The following ZBTB10 variants were observed in gnomAD, a reference collection of about 807,000 sequenced individuals.
ZBTB10 encodes zinc finger and BTB domain-containing protein 10.
ZBTB10 carries 32 observed loss-of-function variants against 76.4 expected under a neutral mutation model. The observed-to-expected ratio is 0.42, with a 90% CI of 0.32 to 0.56. The LOEUF is 0.56. ZBTB10 is among the 20% of genes least tolerant of loss of function. The pLI is 0.14. For synonymous variants in ZBTB10, 523 were observed against 432.9 expected, an observed-to-expected ratio of 1.21 and a Z score of -2.58; for missense variants, 1,057 against 1,098.5, an observed-to-expected ratio of 0.96 and a Z score of 0.53.
At chr8:80,504,965 T>G (rs1352861347) in intron 2 of ZBTB10, among the ~76,000 whole-genome samples, 1 of 152,208 alleles carries the variant, frequency 6.6e-6, no homozygotes, top group Non-Finnish European at 1.5e-5. Context: ...TTAAAATCAC[T>G]TTATTTTGCG....
In ZBTB10 at chr8:80,486,972, G is replaced by T. The variant is rs749535596; in HGVS notation, c.162G>T (p.Ala54=). 2.1e-4 allele frequency: 312 copies of T among 1,512,678 alleles called. No homozygotes were observed. Among genetic ancestry groups the T allele is most frequent in the Non-Finnish European group, 2.7e-4 (302 of 1,135,486 alleles). 93.7% of individuals were successfully genotyped at this position (1,512,678 alleles called of 1,614,324 possible). A position where few individuals can be genotyped will look rare whatever the true frequency, so the allele number is the denominator to read the frequency against. The change falls in exon 1 of 6, where the codon GCG becomes GCT. Residue 54 remains alanine, a synonymous_variant. Coordinates refer to ENST00000455036, the MANE Select transcript of ZBTB10 (RefSeq NM_001105539.3). ...PRQPPPPAPP[A]LQPPNGRGAD... Reference sequence around the variant, plus strand: ...AGCCCCCGCCGCCAGCGCCGCCCGCGCTTCAGCCGCCTAATGGGCGGGGGG... The same window carrying T: ...AGCCCCCGCCGCCAGCGCCGCCCGCTCTTCAGCCGCCTAATGGGCGGGGGG...
rs139644833 is a variant in ZBTB10 at position 80,503,778 on chromosome 8, C to G, written c.1861+3396C>G. Among the ~76,000 whole-genome samples the G allele has an allele frequency of 5.5e-3, 841 of 152,330 alleles. 11 individuals carry two copies. Among genetic ancestry groups the G allele is most frequent in the African/African-American group, 0.019 (803 of 41,578 alleles). On this transcript the variant is annotated intron_variant, in intron 2 of 5. Transcript: ENST00000455036. ...ACCACAAGTGATCTGCCCACTTTGG[C>G]CTCCCAAAGTGCTGGGAATACAGGC...
At chr8:80,500,528 C>T in intron 2 of ZBTB10, 146 bp downstream of exon 2, 2 of 819,126 alleles carry the variant, frequency 2.4e-6, no homozygotes, top group Non-Finnish European at 1.8e-6. Context: ...CATTCAAATG[C>T]ATAACATATT....
chr8:80,500,376 G>A lies in ZBTB10; in HGVS notation c.1855G>A (p.Glu619Lys), dbSNP rs937077538. The change falls in exon 2 of 6, where the codon GAA (glutamate) becomes AAA (lysine). Residue 619 changes from glutamate (E) to lysine (K), a missense_variant. This residue lies in a region of ZBTB10 where 306 missense variants were observed against 297.5 expected (regional missense o/e 1.03). Transcript: ENST00000455036. ...AGAAAATACACTACTCATCAAGGAA[G>A]AACCAGGTAAATATTATCTATACAA... is the stretch of plus-strand genomic sequence containing the variant. ...PEENTLLIKE[E>K]PDLDGALLSG... 1.9e-6 allele frequency: 3 copies of A among 1,553,284 alleles called. No individual in the cohort carries two copies. The African/African-American group carries it at 4.1e-5, about 21-fold the overall frequency.
At chr8:80,496,822 T>TA (rs1227033190) in intron 1 of ZBTB10, among the ~76,000 whole-genome samples, 2 of 152,238 alleles carry the variant, frequency 1.3e-5, no homozygotes. Context: ...AGTTCATAGA[T>TA]ATATGCTGCC....
At chr8:80,514,127 A>G (rs933659499) in intron 3 of ZBTB10, 119 bp downstream of exon 3, 149 of 817,538 alleles carry the variant, frequency 1.8e-4, no homozygotes, top group African/African-American at 4.6e-4. Context: ...ACTACTTTCA[A>G]TCTATGGTAG....
chr8:80,510,646 GTGTGTGTGTGT>G (rs1816166482), intron 2 of ZBTB10, among the ~76,000 whole-genome samples: 4 of 145,256 alleles, frequency 2.8e-5, no homozygotes, highest in Non-Finnish European at 4.6e-5. Flanking sequence ...ACCAGTGTGT[GTGTGTGTGTGT>G]GTGTGTGTGT....
chr8:80,520,472 C>G lies in ZBTB10; in HGVS notation c.*944C>G, dbSNP rs1563469005. 1 of 152,380 alleles carries G rather than the reference C, an allele frequency of 6.6e-6. No individual in the cohort carries two copies. The highest frequency in any genetic ancestry group is 2.4e-5 in the African/African-American group (1 of 41,396). The allele number at this position is 152,380 out of a possible 1,614,324, so 9.4% of individuals were successfully genotyped here. A position where few individuals can be genotyped will look rare whatever the true frequency, so the allele number is the denominator to read the frequency against. ...TGAAAGACCTAATTGAAAGAAAAATCATAGAAATAAGTAAAATGATTTGTT... is the reference window on the plus strand; with the variant it reads ...TGAAAGACCTAATTGAAAGAAAAATGATAGAAATAAGTAAAATGATTTGTT... On this transcript the variant is annotated 3_prime_UTR_variant, in exon 6 of 6. Transcript: ENST00000455036.
At position 80,499,566 on chromosome 8, in the gene ZBTB10, C is replaced by G; in HGVS notation, c.1045C>G (p.Gln349Glu). Reference protein sequence around the residue: ...SRPNENSYCYQLLRQLNEQRK... With the variant: ...SRPNENSYCYELLRQLNEQRK... ...GCCAAATGAGAACTCTTATTGCTAT[C>G]AACTTCTGCGACAACTAAATGAACA... is the stretch of plus-strand genomic sequence containing the variant. The change falls in exon 2 of 6, where the codon CAA (glutamine) becomes GAA (glutamate). Residue 349 changes from glutamine (Q) to glutamate (E), a missense_variant. Physicochemically the swap from Gln to Glu is conservative, Grantham distance 29 (BLOSUM62 2). Transcript: ENST00000455036. 1 of 1,613,882 alleles carries G rather than the reference C, an allele frequency of 6.2e-7. No individual in the cohort carries two copies. The highest frequency in any genetic ancestry group is 8.5e-7 in the Non-Finnish European group (1 of 1,179,838).
chr8:80,498,076 C>T (rs1026487275), intron 1 of ZBTB10, among the ~76,000 whole-genome samples: 2 of 152,178 alleles, frequency 1.3e-5, no homozygotes, highest in Non-Finnish European at 1.5e-5. Context: ...GCGTCTGTGG[C>T]CTCCTGTGAC....
chr8:80,504,807 A>G (rs1233176335), intron 2 of ZBTB10, among the ~76,000 whole-genome samples: 1 of 152,216 alleles, frequency 6.6e-6, no homozygotes, highest in African/African-American at 2.4e-5. Context: ...AGGAAACATT[A>G]AATTTTAGCC....
intron 5 of ZBTB10, 119 bp from the exon 6 acceptor site, chr8:80,519,103 CT>C (rs1816397604): frequency 7.1e-7 from 1 of 1,400,050 alleles, no homozygotes; most frequent in African/African-American, 1.5e-5. Context: ...TGATAGTGAG[CT>C]TTTTACAGAG....
At chr8:80,509,718 C>T (rs1268666667) in intron 2 of ZBTB10, among the ~76,000 whole-genome samples, 1 of 152,120 alleles carries the variant, frequency 6.6e-6, no homozygotes, top group East Asian at 1.9e-4. Context: ...AGATTTAGAC[C>T]AGTCTTTTAA....
Position 80,499,857 on chromosome 8 carries a change from C to A in ZBTB10, c.1336C>A (p.Leu446Ile). The change falls in exon 2 of 6, where the codon CTT becomes ATT. Residue 446 changes from leucine (L) to isoleucine (I), a missense_variant. Coordinates refer to ENST00000455036, the MANE Select transcript of ZBTB10 (RefSeq NM_001105539.3). Reference sequence around the variant, plus strand: ...TGAAGTTATGACCGTGGCCAGCTATCTTCAAATGAGTGAAGTTGTTCAAAC... The same window carrying A: ...TGAAGTTATGACCGTGGCCAGCTATATTCAAATGAGTGAAGTTGTTCAAAC... The part of the protein sequence containing the change: ...AIEVMTVASY[L>I]QMSEVVQTCR... 6.2e-7 allele frequency: 1 copy of A among 1,613,946 alleles called. No individual in the cohort carries two copies. Among genetic ancestry groups the A allele is most frequent in the Non-Finnish European group, 8.5e-7 (1 of 1,179,854 alleles).
chr8:80,495,137 T>C (rs868227036), intron 1 of ZBTB10, among the ~76,000 whole-genome samples: 136 of 142,808 alleles, frequency 9.5e-4, no homozygotes, highest in Middle Eastern at 3.7e-3. Context: ...CTCTCTCTCT[T>C]TTTTTTTTTT....
Position 80,500,280 on chromosome 8 carries a change from A to G in ZBTB10, c.1759A>G (p.Asn587Asp). ...CCAAACTACAAAAAGATTTATTTAT[A>G]ATATTCCACCTAATAATGAAACGAA... The part of the protein sequence containing the change: ...KNQTTKRFIY[N>D]IPPNNETNLE... Residue 587 changes from asparagine (N) to aspartate (D), a missense_variant, in exon 2 of 6, where the codon AAT (asparagine) becomes GAT (aspartate). This residue lies in a region of ZBTB10 where 306 missense variants were observed against 297.5 expected (regional missense o/e 1.03). Transcript: ENST00000455036. 1.3e-6 allele frequency: 2 copies of G among 1,575,166 alleles called. No homozygotes were observed. The highest frequency in any genetic ancestry group is 2.3e-5 in the South Asian group (2 of 86,086).
intron 1 of ZBTB10, among the ~76,000 whole-genome samples, chr8:80,492,289 A>G (rs1315465017): frequency 1.3e-5 from 2 of 152,220 alleles, no homozygotes; most frequent in African/African-American, 2.4e-5. Context: ...TTGTGTACCT[A>G]GGATTAGCTT....
chr8:80,499,855 A>G lies in ZBTB10; in HGVS notation c.1334A>G (p.Tyr445Cys), dbSNP rs1815876896. ...NAIEVMTVAS[Y>C]LQMSEVVQTC... ...ATTGAAGTTATGACCGTGGCCAGCT[A>G]TCTTCAAATGAGTGAAGTTGTTCAA... The change falls in exon 2 of 6, where the codon TAT (tyrosine) becomes TGT (cysteine). Residue 445 changes from tyrosine (Y) to cysteine (C), a missense_variant. Transcript: ENST00000455036. 3.1e-6 allele frequency: 5 copies of G among 1,614,008 alleles called. No homozygotes were observed. Among genetic ancestry groups the G allele is most frequent in the Non-Finnish European group, 3.4e-6 (4 of 1,179,876 alleles).
chr8:80,516,639 A>G (rs544609774), intron 3 of ZBTB10, among the ~76,000 whole-genome samples: 10 of 152,326 alleles, frequency 6.6e-5, no homozygotes, highest in East Asian at 1.9e-4. Context: ...TTATGTAGCT[A>G]TGGGTTCAGG....
Sources: gnomAD v4.1 joint callset for allele counts (sites outside exome capture counted in the v4.1 genomes callset) on GRCh38, gnomAD v4.1.1 for gene constraint, gnomAD v4.1.1 regional missense constraint, MANE v1.5 for transcripts, NCBI Gene and HGNC (gene_info 2026-07-23, HGNC 2026-07-21) for gene names.